The following KHDRBS2 variants were observed in gnomAD, a reference collection of about 807,000 sequenced individuals.
The protein encoded by KHDRBS2 is KH domain-containing, RNA-binding, signal transduction-associated protein 2.
Under a neutral mutation model 44.3 loss-of-function variants are expected in KHDRBS2, and 26 were observed. The ratio of observed to expected loss-of-function variants is 0.59; its 90% CI spans 0.43 to 0.81. KHDRBS2 has a LOEUF of 0.81. Among genes scored for constraint, KHDRBS2 ranks in the 40% least tolerant of loss-of-function variants. KHDRBS2 has a pLI of 0.00. For missense variants in KHDRBS2, 476 were observed against 433.1 expected (o/e 1.10, Z -0.88); for synonymous variants, 194 against 151.1 (o/e 1.28, Z -2.08).
chr6:62,171,125 A>C (rs755986965), intron 2 of KHDRBS2, among the ~76,000 whole-genome samples: 3 of 152,124 alleles, frequency 2.0e-5, no homozygotes, highest in Admixed American at 1.3e-4. Flanking sequence ...ACCAGGCTGA[A>C]CTGGGTGAAA....
the KHDRBS2 span, among the ~76,000 whole-genome samples, chr6:61,647,954 G>A: frequency 1.5e-4 from 23 of 152,190 alleles, no homozygotes; most frequent in East Asian, 3.7e-3. Flanking sequence ...ATAGGTGGAA[G>A]CAATAACCTA....
At chr6:61,751,867 A>C (rs988870380) in intron 6 of KHDRBS2, among the ~76,000 whole-genome samples, 2 of 150,540 alleles carry the variant, frequency 1.3e-5, no homozygotes, top group Non-Finnish European at 2.9e-5. Context: ...TTCTTCTGAG[A>C]CCTCTCTCCT....
At chr6:61,568,150 A>G in the KHDRBS2 span, among the ~76,000 whole-genome samples, 1 of 152,064 alleles carries the variant, frequency 6.6e-6, no homozygotes, top group African/African-American at 2.4e-5. Context: ...AGTTGGCTGT[A>G]TATTTGTGGC....
intron 6 of KHDRBS2, among the ~76,000 whole-genome samples, chr6:61,848,221 T>A (rs1187170878): frequency 6.6e-6 from 1 of 151,580 alleles, no homozygotes; most frequent in African/African-American, 2.4e-5. Flanking sequence ...ACAAGTCTTT[T>A]AATTCTGATG....
the KHDRBS2 span, among the ~76,000 whole-genome samples, chr6:61,661,867 T>G: frequency 6.6e-6 from 1 of 152,024 alleles, no homozygotes; most frequent in Non-Finnish European, 1.5e-5. Flanking sequence ...AAGCTACCAA[T>G]GACTTTATTC....
chr6:61,552,188 T>C, the KHDRBS2 span, among the ~76,000 whole-genome samples: 4 of 152,128 alleles, frequency 2.6e-5, no homozygotes, highest in Non-Finnish European at 5.9e-5. Context: ...CCCTGATTTC[T>C]TTGAGTAGTG....
At chr6:62,276,545 C>T (rs1561902814) in intron 1 of KHDRBS2, among the ~76,000 whole-genome samples, 1 of 152,170 alleles carries the variant, frequency 6.6e-6, no homozygotes, top group Non-Finnish European at 1.5e-5. Flanking sequence ...CATCACTAAG[C>T]TCTCTAAGAA....
At chr6:61,631,330 A>AAAAAAAAAAC in the KHDRBS2 span, among the ~76,000 whole-genome samples, 1 of 145,386 alleles carries the variant, frequency 6.9e-6, no homozygotes. Flanking sequence ...AAAAAAAAAA[A>AAAAAAAAAAC]AAAAAAAGAC....
At chr6:61,553,856 C>T in the KHDRBS2 span, among the ~76,000 whole-genome samples, 3 of 151,850 alleles carry the variant, frequency 2.0e-5, no homozygotes, top group African/African-American at 7.3e-5. Flanking sequence ...CACTGTGATC[C>T]AAGAGTGTGG....
chr6:61,727,471 T>A (rs1187114676), intron 7 of KHDRBS2, among the ~76,000 whole-genome samples: 1 of 152,074 alleles, frequency 6.6e-6, no homozygotes, highest in Non-Finnish European at 1.5e-5. Flanking sequence ...CAAAATAAAC[T>A]ATCATCAGAA....
At chr6:62,199,817 C>G (rs1218735438) in intron 1 of KHDRBS2, among the ~76,000 whole-genome samples, 4 of 152,176 alleles carry the variant, frequency 2.6e-5, no homozygotes, top group African/African-American at 9.7e-5. Context: ...AGGCATCACG[C>G]TACCTGACTT....
intron 2 of KHDRBS2, among the ~76,000 whole-genome samples, chr6:62,132,948 C>T (rs905642375): frequency 2.0e-5 from 3 of 152,174 alleles, no homozygotes; most frequent in African/African-American, 7.2e-5. Flanking sequence ...TATGACTCAA[C>T]AGCGTTTTTC....
At chr6:62,254,135 T>C (rs1836993288) in intron 1 of KHDRBS2, among the ~76,000 whole-genome samples, 1 of 151,992 alleles carries the variant, frequency 6.6e-6, no homozygotes. Context: ...ATGATAACAT[T>C]TGTTTTATAG....
chr6:62,097,526 T>A (rs755774142), intron 2 of KHDRBS2, among the ~76,000 whole-genome samples: 19 of 152,102 alleles, frequency 1.2e-4, no homozygotes, highest in Non-Finnish European at 1.6e-4. Context: ...GTATATTTTA[T>A]CTAATATAAG....
chr6:62,105,071 C>G (rs1246707454), intron 2 of KHDRBS2, among the ~76,000 whole-genome samples: 1 of 151,942 alleles, frequency 6.6e-6, no homozygotes, highest in African/African-American at 2.4e-5. Flanking sequence ...AACAAACAAC[C>G]ATTCTCAACA....
chr6:61,561,013 G>A, the KHDRBS2 span, among the ~76,000 whole-genome samples: 1 of 152,016 alleles, frequency 6.6e-6, no homozygotes, highest in South Asian at 2.1e-4. Flanking sequence ...AAGTTTTTGG[G>A]CACTGCATTC....
chr6:62,252,698 T>C (rs562132821), intron 1 of KHDRBS2, among the ~76,000 whole-genome samples: 3 of 152,142 alleles, frequency 2.0e-5, no homozygotes, highest in East Asian at 3.9e-4. Context: ...CTTTTGATTA[T>C]TTAAAAGAAT....
chr6:61,753,316 C>T (rs1159325701), intron 6 of KHDRBS2, among the ~76,000 whole-genome samples: 1 of 152,146 alleles, frequency 6.6e-6, no homozygotes, highest in Non-Finnish European at 1.5e-5. Context: ...AAGCTTCTTC[C>T]TCGATCTCAG....
intron 6 of KHDRBS2, among the ~76,000 whole-genome samples, chr6:61,890,793 G>T (rs1450332475): frequency 6.6e-6 from 1 of 151,574 alleles, no homozygotes; most frequent in Non-Finnish European, 1.5e-5. Context: ...AGTTTTTTTT[G>T]AACCTTGTGG....
Sources: allele counts gnomAD v4.1 joint callset (sites outside exome capture counted in the v4.1 genomes callset), GRCh38; gene constraint gnomAD v4.1.1; transcripts MANE v1.5; gene names NCBI Gene and HGNC (gene_info 2026-07-23, HGNC 2026-07-21).